Variants in RIC1 observed in about 807,000 individuals in gnomAD.
RIC1 encodes guanine nucleotide exchange factor subunit RIC1.
RIC1 carries 88 observed loss-of-function variants against 169.0 expected under a neutral mutation model. The ratio of observed to expected loss-of-function variants is 0.52; its 90% CI spans 0.44 to 0.62. The LOEUF is 0.62. Ranked by LOEUF, RIC1 falls within the 20% of genes least tolerant of loss-of-function variation. The pLI, the probability that RIC1 is intolerant of heterozygous loss-of-function variation, is 0.00. For missense variants in RIC1, 1,877 were observed against 1,725.5 expected (o/e 1.09, Z -1.56); for synonymous variants, 790 against 601.5 (o/e 1.31, Z -4.59).
chr9:5,688,164 C>G (rs1415817971), intron 2 of RIC1, among the ~76,000 whole-genome samples: 2 of 147,930 alleles, frequency 1.4e-5, no homozygotes. Flanking sequence ...ATTTTAACAT[C>G]TGATTGAGTT....
chr9:5,701,070 T>C (rs909386825), intron 3 of RIC1, among the ~76,000 whole-genome samples: 1 of 152,224 alleles, frequency 6.6e-6, no homozygotes, highest in Non-Finnish European at 1.5e-5. Flanking sequence ...ACTATCACTA[T>C]GACTTAAGTT....
intron 4 of RIC1, 127 bp downstream of exon 4, chr9:5,714,130 T>C (rs905364667): frequency 7.3e-6 from 4 of 551,714 alleles, no homozygotes; most frequent in Non-Finnish European, 1.3e-5. Flanking sequence ...GTTCTGGAAA[T>C]GCTTGATTAA....
chr9:5,720,842 A>G, intron 6 of RIC1, 92 bp downstream of exon 6: 2 of 1,153,354 alleles, frequency 1.7e-6, no homozygotes, highest in Non-Finnish European at 2.4e-6. Context: ...TCATTCATGT[A>G]AGATTTTAAG....
chr9:5,631,895 A>G (rs144600573), intron 1 of RIC1, among the ~76,000 whole-genome samples: 1 of 152,176 alleles, frequency 6.6e-6, no homozygotes, highest in South Asian at 2.1e-4. Flanking sequence ...TAGGTTAACA[A>G]ACTTCATTTA....
chr9:5,688,523 A>C lies in RIC1; in HGVS notation c.253-1436A>C, dbSNP rs142948399. On this transcript the variant is annotated intron_variant, in intron 2 of 25. Coordinates refer to ENST00000414202, the MANE Select transcript of RIC1 (RefSeq NM_020829.4). Reference sequence around the variant, plus strand: ...TTGAAGCCATTTTCCTTTTGCTTCCATACTCTCCATATTGCAAGAACATAA... The same window carrying C: ...TTGAAGCCATTTTCCTTTTGCTTCCCTACTCTCCATATTGCAAGAACATAA... 2.9e-3 allele frequency among the ~76,000 whole-genome samples: 449 copies of C among 152,272 alleles called. 2 individuals carry two copies. Among genetic ancestry groups the C allele is most frequent in the African/African-American group, 9.9e-3 (413 of 41,546 alleles).
At chr9:5,704,451 A>T (rs956662300) in intron 3 of RIC1, among the ~76,000 whole-genome samples, 1 of 152,024 alleles carries the variant, frequency 6.6e-6, no homozygotes, top group African/African-American at 2.4e-5. Context: ...GGCTCAAGCA[A>T]TCCTCCTGTC....
intron 1 of RIC1, among the ~76,000 whole-genome samples, chr9:5,631,867 G>A (rs1817731353): frequency 6.6e-6 from 1 of 152,052 alleles, no homozygotes; most frequent in South Asian, 2.1e-4. Context: ...TAAACTTCCT[G>A]AAAGTATGTA....
chr9:5,667,425 G>A (rs573414865), intron 2 of RIC1, among the ~76,000 whole-genome samples: 1 of 150,988 alleles, frequency 6.6e-6, no homozygotes, highest in Admixed American at 6.6e-5. Flanking sequence ...GCTAGCTTCG[G>A]GATTACTTTG....
chr9:5,775,937 T>C lies in RIC1; in HGVS notation c.*1691T>C, dbSNP rs969649737. The C allele has an allele frequency of 3.3e-5, 5 of 152,164 alleles. No individual in the cohort carries two copies. Among genetic ancestry groups the C allele is most frequent in the Non-Finnish European group, 7.4e-5 (5 of 68,008 alleles). 9.4% of individuals were successfully genotyped at this position (152,164 alleles called of 1,614,324 possible). A position where few individuals can be genotyped will look rare whatever the true frequency, so the allele number is the denominator to read the frequency against. On this transcript the variant is annotated 3_prime_UTR_variant, in exon 26 of 26. Transcript: ENST00000414202. ...AGATAATGTTTTGCATGTGAGTACA[T>C]GCAGCCCAGCAAGAAACTAAACTGA...
intron 7 of RIC1, among the ~76,000 whole-genome samples, chr9:5,737,437 CTTT>C (rs1824784897): frequency 1.3e-5 from 2 of 152,284 alleles, no homozygotes; most frequent in South Asian, 4.1e-4. Flanking sequence ...TACCCCTCTT[CTTT>C]GATACTCCCT....
intron 1 of RIC1, among the ~76,000 whole-genome samples, chr9:5,653,438 G>C (rs1440786121): frequency 6.6e-6 from 1 of 152,188 alleles, no homozygotes; most frequent in Non-Finnish European, 1.5e-5. Context: ...CAACTTTAGA[G>C]TGACTTTGTT....
rs1389523722 is a variant in RIC1 at position 5,743,867 on chromosome 9, G to A, written c.1095+130G>A. The A allele has an allele frequency of 4.4e-6, 3 of 675,032 alleles. No homozygotes were observed. The East Asian group carries it at 8.1e-5, about 18-fold the overall frequency. 41.8% of individuals were successfully genotyped at this position (675,032 alleles called of 1,614,324 possible). On this transcript the variant is annotated intron_variant, in intron 10 of 25. Transcript: ENST00000414202. ...ACACTGTCACCCAGGTTGGAGAGCA[G>A]TGGCAGATCATAGCTCACTGCAGCC...
At chr9:5,689,112 G>A (rs543006651) in intron 2 of RIC1, among the ~76,000 whole-genome samples, 31 of 142,930 alleles carry the variant, frequency 2.2e-4, no homozygotes, top group Non-Finnish European at 4.0e-4. Context: ...GCAGTGGCGC[G>A]ATCTTAGCTC....
chr9:5,669,788 A>C (rs1297255895), intron 2 of RIC1, among the ~76,000 whole-genome samples: 2 of 152,122 alleles, frequency 1.3e-5, no homozygotes, highest in Non-Finnish European at 2.9e-5. Context: ...TGTGGGAGTC[A>C]ATGGATAGAA....
chr9:5,648,952 G>C (rs561821796), intron 1 of RIC1, among the ~76,000 whole-genome samples: 2 of 152,140 alleles, frequency 1.3e-5, no homozygotes, highest in African/African-American at 4.8e-5. Context: ...CATTCAAAAG[G>C]AAGGTTATTT....
chr9:5,715,540 T>C (rs1823181965), intron 4 of RIC1, among the ~76,000 whole-genome samples: 1 of 152,196 alleles, frequency 6.6e-6, no homozygotes, highest in Admixed American at 6.5e-5. Context: ...CTATAGATTT[T>C]AAATCGAGTG....
At chr9:5,760,605 C>A (rs1175317175) in intron 17 of RIC1, among the ~76,000 whole-genome samples, 1 of 152,162 alleles carries the variant, frequency 6.6e-6, no homozygotes, top group Non-Finnish European at 1.5e-5. Flanking sequence ...TCTTTTTCCT[C>A]TGCCATCTAG....
At chr9:5,707,071 C>T (rs1822635664) in intron 3 of RIC1, among the ~76,000 whole-genome samples, 1 of 152,088 alleles carries the variant, frequency 6.6e-6, no homozygotes, top group Admixed American at 6.5e-5. Context: ...TTCACTGTAT[C>T]CCATAACGTT....
intron 1 of RIC1, among the ~76,000 whole-genome samples, chr9:5,642,042 C>A (rs936928504): frequency 5.5e-5 from 8 of 144,286 alleles, no homozygotes; most frequent in Non-Finnish European, 1.2e-4. Flanking sequence ...TCTTTGCAGT[C>A]TGGGCTTGTT....
Sources: allele counts gnomAD v4.1 joint callset (sites outside exome capture counted in the v4.1 genomes callset), GRCh38; gene constraint gnomAD v4.1.1; transcripts MANE v1.5; gene names NCBI Gene and HGNC (gene_info 2026-07-23, HGNC 2026-07-21).